Variants in NDUFA12 observed in about 807,000 individuals in gnomAD.
NDUFA12 encodes the protein NADH:ubiquinone oxidoreductase subunit A12.
Under a neutral mutation model 20.3 loss-of-function variants are expected in NDUFA12, and 17 were observed. That is an observed-to-expected ratio of 0.84 (90% CI 0.57 to 1.26). The LOEUF (loss-of-function observed/expected upper bound fraction) is 1.26, where lower values mean the gene tolerates loss of function less well. NDUFA12 is among the 50% of genes most tolerant of loss of function. The probability of loss-of-function intolerance (pLI) is 0.00; values close to 1 mark genes in which losing one functional copy is unlikely to be tolerated. For missense variants in NDUFA12, 191 were observed against 183.7 expected (o/e 1.04, Z -0.23); for synonymous variants, 72 against 63.6 (o/e 1.13, Z -0.63).
chr12:94,981,113 A>T (rs1328670604), intron 3 of NDUFA12, among the ~76,000 whole-genome samples: 1 of 152,200 alleles, frequency 6.6e-6, no homozygotes, highest in Non-Finnish European at 1.5e-5. Flanking sequence ...CAAGAGAAAA[A>T]AAAAGAAAGA....
rs1183049833 is a variant in NDUFA12, at chr12:95,003,647, G to A, written c.34C>T (p.Gln12Ter). 2 of 1,614,160 alleles carry A rather than the reference G, an allele frequency of 1.2e-6. No individual in the cohort carries two copies. Among genetic ancestry groups the A allele is most frequent in the African/African-American group, 1.3e-5 (1 of 75,056 alleles). The stretch of plus-strand genomic sequence containing the variant: ...AGACCGCCGTGGCCGGTGATCTGCT[G>A]CAGCCCGCGTTTCAGGACCTGCACT... Reference protein sequence around the residue: ...ELVQVLKRGLQQITGHGGLRG... With the variant: ...ELVQVLKRGL Residue 12 changes from glutamine (Q) to a stop codon, truncating the protein, a stop_gained, in exon 1 of 4, where the codon CAG (glutamine) becomes TAG (stop). Transcript: ENST00000327772. LOFTEE classifies it high-confidence loss of function.
intron 3 of NDUFA12, among the ~76,000 whole-genome samples, chr12:94,974,163 G>A (rs1873985698): frequency 6.6e-6 from 1 of 151,746 alleles, no homozygotes; most frequent in African/African-American, 2.4e-5. Context: ...GTAGAGACGG[G>A]GTTTCACCAT....
intron 3 of NDUFA12, among the ~76,000 whole-genome samples, chr12:94,983,072 C>A (rs142215238): frequency 1.4e-3 from 216 of 152,254 alleles, no homozygotes; most frequent in Non-Finnish European, 1.9e-3. Context: ...ACGTAGACTA[C>A]CTCTTCTAAA....
At chr12:95,001,370 A>G (rs1875019336) in intron 2 of NDUFA12, among the ~76,000 whole-genome samples, 1 of 152,062 alleles carries the variant, frequency 6.6e-6, no homozygotes, top group Admixed American at 6.6e-5. Context: ...CTGTAATTCC[A>G]GCACTTTGGG....
At chr12:94,978,942 TA>T (rs1401906251) in intron 3 of NDUFA12, among the ~76,000 whole-genome samples, 6 of 152,142 alleles carry the variant, frequency 3.9e-5, no homozygotes, top group African/African-American at 1.4e-4. Context: ...TGTGACATAT[TA>T]AGTGAGGGGA....
At chr12:94,984,704 T>C (rs1357892347) in intron 3 of NDUFA12, among the ~76,000 whole-genome samples, 1 of 79,758 alleles carries the variant, frequency 1.3e-5, no homozygotes, top group Non-Finnish European at 2.3e-5. Flanking sequence ...CCCCCTCTAA[T>C]GCTAATAGCC....
At chr12:94,974,828 G>A (rs1874013622) in intron 3 of NDUFA12, among the ~76,000 whole-genome samples, 1 of 151,802 alleles carries the variant, frequency 6.6e-6, no homozygotes, top group Non-Finnish European at 1.5e-5. Context: ...GAGAGTAGAA[G>A]AATGATTACC....
chr12:94,983,776 G>A (rs1565814956), intron 3 of NDUFA12, among the ~76,000 whole-genome samples: 1 of 151,592 alleles, frequency 6.6e-6, no homozygotes, highest in East Asian at 1.9e-4. Context: ...AGCTTCTTAA[G>A]TGAGTAGCCT....
intron 2 of NDUFA12, 120 bp downstream of exon 2, chr12:95,002,619 A>G (rs1259536235): frequency 2.6e-6 from 2 of 762,734 alleles, no homozygotes; most frequent in Admixed American, 2.3e-5. Context: ...TTCATTTTCT[A>G]TTGAGTTTTT....
chr12:94,991,445 T>C (rs1874642262), intron 3 of NDUFA12, among the ~76,000 whole-genome samples: 1 of 150,422 alleles, frequency 6.6e-6, no homozygotes, highest in Non-Finnish European at 1.5e-5. Context: ...AAAAAAGAAC[T>C]GACCCGGTGC....
At chr12:94,997,047 T>G in intron 2 of NDUFA12, 1 of 287,022 alleles carries the variant, frequency 3.5e-6, no homozygotes, top group Non-Finnish European at 6.8e-6. Flanking sequence ...ATTTATGTAT[T>G]AAAAATATCA....
chr12:95,000,155 A>G (rs1301248535), intron 2 of NDUFA12, among the ~76,000 whole-genome samples: 1 of 152,250 alleles, frequency 6.6e-6, no homozygotes, highest in Non-Finnish European at 1.5e-5. Flanking sequence ...GTAAAACAGA[A>G]AGCAATAATG....
intron 3 of NDUFA12, among the ~76,000 whole-genome samples, chr12:94,991,741 A>AAAT (rs386377440): frequency 6.6e-6 from 1 of 151,512 alleles, no homozygotes; most frequent in African/African-American, 2.4e-5. Context: ...AAAAAAAAAA[A>AAAT]AGCAAGAAAA....
chr12:95,002,130 T>C (rs979415287), intron 2 of NDUFA12, among the ~76,000 whole-genome samples: 2 of 151,890 alleles, frequency 1.3e-5, no homozygotes, highest in African/African-American at 2.4e-5. Flanking sequence ...TTTGCCCACA[T>C]TGGGATTTAT....
chr12:94,996,696 G>A (rs540003370), intron 2 of NDUFA12, among the ~76,000 whole-genome samples: 1 of 151,920 alleles, frequency 6.6e-6, no homozygotes, highest in Non-Finnish European at 1.5e-5. Flanking sequence ...GCGCATGCCT[G>A]TAATCCCAGC....
At chr12:94,998,623 C>A (rs1874914314) in intron 2 of NDUFA12, among the ~76,000 whole-genome samples, 1 of 152,158 alleles carries the variant, frequency 6.6e-6, no homozygotes, top group South Asian at 2.1e-4. Flanking sequence ...ATAAATAAAT[C>A]CAGCAAAGTT....
chr12:94,992,135 C>A (rs1874666834), intron 3 of NDUFA12, among the ~76,000 whole-genome samples: 1 of 152,180 alleles, frequency 6.6e-6, no homozygotes, highest in African/African-American at 2.4e-5. Context: ...TGGAAAGGAG[C>A]TCCAGAGTTT....
chr12:94,978,004 G>A (rs866550358), intron 3 of NDUFA12, among the ~76,000 whole-genome samples: 1 of 151,674 alleles, frequency 6.6e-6, no homozygotes, highest in South Asian at 2.1e-4. Context: ...CTAGTGCAGA[G>A]ACTGAGTTGG....
chr12:94,979,678 AT>A (rs971141359), intron 3 of NDUFA12, among the ~76,000 whole-genome samples: 3 of 149,786 alleles, frequency 2.0e-5, no homozygotes, highest in Non-Finnish European at 4.5e-5. Flanking sequence ...AAAAAAAAAA[AT>A]ACAAAAATTA....
Sources: allele counts gnomAD v4.1 joint callset (sites outside exome capture counted in the v4.1 genomes callset), GRCh38; gene constraint gnomAD v4.1.1; transcripts MANE v1.5; gene names NCBI Gene and HGNC (gene_info 2026-07-23, HGNC 2026-07-21).